The following TESK2 variants were observed in gnomAD, a reference collection of about 807,000 sequenced individuals.
The protein encoded by TESK2 is testis associated actin remodelling kinase 2.
A neutral mutation model predicts 57.1 loss-of-function variants in TESK2; 39 were observed. The observed-to-expected ratio is 0.68, with a 90% CI of 0.53 to 0.89. The LOEUF (loss-of-function observed/expected upper bound fraction) is 0.89, where lower values mean the gene tolerates loss of function less well. Among genes scored for constraint, TESK2 ranks in the 40% least tolerant of loss-of-function variants. The probability of loss-of-function intolerance (pLI) is 0.00; values close to 1 mark genes in which losing one functional copy is unlikely to be tolerated. For synonymous variants in TESK2, 249 were observed against 267.9 expected (o/e 0.93, Z 0.69); for missense variants, 646 against 732.1 (o/e 0.88, Z 1.36).
intron 2 of TESK2, among the ~76,000 whole-genome samples, chr1:45,441,424 G>T (rs2149293925): frequency 6.6e-6 from 1 of 152,094 alleles, no homozygotes; most frequent in South Asian, 2.1e-4. Context: ...TGATCCGCCT[G>T]CCTCGTCCTC....
At chr1:45,372,533 C>T (rs552328819) in intron 4 of TESK2, among the ~76,000 whole-genome samples, 1 of 151,266 alleles carries the variant, frequency 6.6e-6, no homozygotes, top group African/African-American at 2.4e-5. Flanking sequence ...GAGCCAAGAT[C>T]GTGCCACTGC....
chr1:45,451,763 G>T (rs1651880848), intron 2 of TESK2, among the ~76,000 whole-genome samples: 1 of 152,064 alleles, frequency 6.6e-6, no homozygotes, highest in East Asian at 1.9e-4. Flanking sequence ...GCTGGGAGTG[G>T]TGGCTCACAC....
chr1:45,384,362 C>T lies in TESK2; in HGVS notation c.393+1550G>A, dbSNP rs79420342. Among the ~76,000 whole-genome samples the T allele has an allele frequency of 3.4e-3, 475 of 141,770 alleles. 1 individual carries two copies. Among genetic ancestry groups the T allele is most frequent in the East Asian group, 0.012 (52 of 4,484 alleles). 93.0% of individuals were successfully genotyped at this position (141,770 alleles called of 152,430 possible). A position where few individuals can be genotyped will look rare whatever the true frequency, so the allele number is the denominator to read the frequency against. On this transcript the variant is annotated intron_variant, in intron 4 of 10. Transcript: ENST00000372086. ...ATGTATGTATGTATGTATGTACGTA[C>T]GTATCTATCTATCTATCTATCTATC...
At chr1:45,467,332 A>C (rs940726745) in intron 1 of TESK2, among the ~76,000 whole-genome samples, 2 of 152,074 alleles carry the variant, frequency 1.3e-5, no homozygotes, top group African/African-American at 4.8e-5. Flanking sequence ...TTAATTTCAA[A>C]AAAGTTTAAC....
At chr1:45,402,414 A>G (rs1455042263) in intron 3 of TESK2, among the ~76,000 whole-genome samples, 20 of 151,258 alleles carry the variant, frequency 1.3e-4, no homozygotes, top group Non-Finnish European at 2.8e-4. Context: ...AAAAAAAGAA[A>G]AAGAAAAAAG....
rs530914780 is a variant in TESK2 at position 45,359,277 on chromosome 1, T to A, written c.394-3828A>T. ...AGAATCTAATAAAATATGTGAAAGT[T>A]GGCCAGGCGCCGTGGCTCACGCCTG... On this transcript the variant is annotated intron_variant, in intron 4 of 10. Coordinates refer to ENST00000372086, the MANE Select transcript of TESK2 (RefSeq NM_007170.3). 5.5e-4 allele frequency among the ~76,000 whole-genome samples: 84 copies of A among 152,346 alleles called. 1 individual carries two copies. In the Middle Eastern group the frequency reaches 0.034, roughly 62 times the overall value.
chr1:45,349,666 AT>A (rs199797453), intron 5 of TESK2, among the ~76,000 whole-genome samples: 4,156 of 152,200 alleles, frequency 0.027, 69 homozygotes, highest in Non-Finnish European at 0.041. Flanking sequence ...CCCATTCTTC[AT>A]TTCCTCACAC....
chr1:45,348,058 A>T lies in TESK2; in HGVS notation c.541-58T>A, dbSNP rs558871027. 526 of 1,182,154 alleles carry T rather than the reference A, an allele frequency of 4.4e-4. 6 individuals are homozygous for T. The Middle Eastern group carries it at 8.6e-3, about 19-fold the overall frequency. The allele number at this position is 1,182,154 out of a possible 1,614,324, so 73.2% of individuals were successfully genotyped here. On this transcript the variant is annotated intron_variant, in intron 5 of 10. Transcript: ENST00000372086. ...TGGCTCAGAAGCGGGGATCAGCCAT[A>T]GAGTTACCACCCATTCCCCCCTTCC...
Position 45,434,232 on chromosome 1 carries a change from A to G in TESK2, c.223-12386T>C, listed in dbSNP as rs1570726527. On this transcript the variant is annotated intron_variant, in intron 2 of 10. Coordinates refer to ENST00000372086, the MANE Select transcript of TESK2 (RefSeq NM_007170.3). ...TGGTCTCGAACTCCGGAGCTCAAGCAATCGCACCTGCCTCCATCTTCCAAA... is the reference window on the plus strand; with the variant it reads ...TGGTCTCGAACTCCGGAGCTCAAGCGATCGCACCTGCCTCCATCTTCCAAA... 3.9e-5 allele frequency among the ~76,000 whole-genome samples: 6 copies of G among 152,132 alleles called. No homozygotes were observed. The East Asian group carries it at 9.7e-4, about 25-fold the overall frequency.
chr1:45,360,551 G>A (rs1440542473), intron 4 of TESK2, among the ~76,000 whole-genome samples: 1 of 152,168 alleles, frequency 6.6e-6, no homozygotes, highest in Non-Finnish European at 1.5e-5. Flanking sequence ...GCCAGAGGGT[G>A]GAGAGCACAG....
intron 3 of TESK2, among the ~76,000 whole-genome samples, chr1:45,393,654 T>C (rs1453183429): frequency 6.7e-6 from 1 of 150,170 alleles, no homozygotes; most frequent in Admixed American, 6.7e-5. Context: ...GGCAGGAGAA[T>C]AGCTTGAACC....
chr1:45,437,440 A>C (rs757746841), intron 2 of TESK2, among the ~76,000 whole-genome samples: 2 of 152,312 alleles, frequency 1.3e-5, no homozygotes, highest in African/African-American at 2.4e-5. Context: ...CAGATCTAAA[A>C]GATTTTGGTG....
chr1:45,486,790 C>CACACACACACACACACACAA (rs1653496855), intron 1 of TESK2, among the ~76,000 whole-genome samples: 1 of 143,248 alleles, frequency 7.0e-6, no homozygotes, highest in South Asian at 2.3e-4. Context: ...CATACACACA[C>CACACACACACACACACACAA]ACACACACAC....
At chr1:45,347,099 G>C (rs1239532110) in intron 7 of TESK2, 37 bp from the exon 8 acceptor site, 1 of 1,588,660 alleles carries the variant, frequency 6.3e-7, no homozygotes, top group Admixed American at 1.7e-5. Context: ...CCTCTTAATG[G>C]GTTGAGGGGT....
intron 3 of TESK2, among the ~76,000 whole-genome samples, chr1:45,392,230 C>T (rs528970030): frequency 4.6e-5 from 7 of 152,158 alleles, no homozygotes; most frequent in Admixed American, 4.6e-4. Context: ...AGATTACAGG[C>T]ACCTGCCACC....
chr1:45,397,861 A>G (rs1649430945), intron 3 of TESK2, among the ~76,000 whole-genome samples: 1 of 152,164 alleles, frequency 6.6e-6, no homozygotes, highest in Admixed American at 6.5e-5. Flanking sequence ...CCAAACATTT[A>G]TATAGCATTT....
At chr1:45,448,066 T>A (rs1570741073) in intron 2 of TESK2, among the ~76,000 whole-genome samples, 1 of 147,192 alleles carries the variant, frequency 6.8e-6, no homozygotes, top group Non-Finnish European at 1.5e-5. Context: ...AGAGACCTTG[T>A]GTCTACAAAA....
chr1:45,384,023 G>T (rs977404353), intron 4 of TESK2, among the ~76,000 whole-genome samples: 10 of 152,100 alleles, frequency 6.6e-5, no homozygotes, highest in African/African-American at 1.9e-4. Context: ...TCAGAAGAGG[G>T]ACTAGTCACT....
At chr1:45,408,548 A>C (rs1217868989) in intron 3 of TESK2, among the ~76,000 whole-genome samples, 3 of 152,196 alleles carry the variant, frequency 2.0e-5, no homozygotes, top group Admixed American at 2.0e-4. Context: ...TGAGAACTCA[A>C]AGAGCATGAG....
Sources: gnomAD v4.1 joint callset for allele counts (sites outside exome capture counted in the v4.1 genomes callset) on GRCh38, gnomAD v4.1.1 for gene constraint, MANE v1.5 for transcripts, NCBI Gene and HGNC (gene_info 2026-07-23, HGNC 2026-07-21) for gene names.